The following SESTD1 variants were observed in gnomAD, a reference collection of about 807,000 sequenced individuals.
SESTD1 encodes the protein SEC14 domain and spectrin repeat-containing protein 1.
SESTD1 carries 43 observed loss-of-function variants against 101.7 expected under a neutral mutation model. The observed-to-expected ratio is 0.42, with a 90% CI of 0.33 to 0.55. The LOEUF (loss-of-function observed/expected upper bound fraction) is 0.55, where lower values mean the gene tolerates loss of function less well. SESTD1 is among the 20% of genes least tolerant of loss of function. SESTD1 has a pLI of 0.07. For missense variants in SESTD1, 647 were observed against 815.1 expected, an observed-to-expected ratio of 0.79 and a Z score of 2.51; for synonymous variants, 283 against 286.8, an observed-to-expected ratio of 0.99 and a Z score of 0.13.
intron 2 of SESTD1, among the ~76,000 whole-genome samples, chr2:179,185,388 T>C (rs1018186078): frequency 5.5e-5 from 8 of 146,200 alleles, no homozygotes; most frequent in African/African-American, 2.0e-4. Flanking sequence ...ATATTACATA[T>C]TGTATATATA....
chr2:179,111,192 A>G (rs572208626), intron 17 of SESTD1, among the ~76,000 whole-genome samples: 299 of 152,348 alleles, frequency 2.0e-3, no homozygotes, highest in Non-Finnish European at 3.4e-3. Flanking sequence ...GCAGATGTGT[A>G]ATACAACTTT....
At chr2:179,230,788 T>A (rs919735204) in intron 1 of SESTD1, among the ~76,000 whole-genome samples, 1 of 151,774 alleles carries the variant, frequency 6.6e-6, no homozygotes, top group East Asian at 1.9e-4. Context: ...CAAAAAAAAA[T>A]TTGCAGAAAC....
At chr2:179,133,381 T>C (rs1452667175) in intron 9 of SESTD1, among the ~76,000 whole-genome samples, 2 of 152,160 alleles carry the variant, frequency 1.3e-5, no homozygotes, top group African/African-American at 2.4e-5. Context: ...AGTAACGTAG[T>C]TGACATTCCA....
intron 12 of SESTD1, among the ~76,000 whole-genome samples, chr2:179,122,256 A>G (rs2044769263): frequency 6.6e-6 from 1 of 151,282 alleles, no homozygotes; most frequent in South Asian, 2.1e-4. Flanking sequence ...ATAGAAAACA[A>G]TTTTCTGTTT....
chr2:179,150,956 T>C (rs987311528), intron 6 of SESTD1, among the ~76,000 whole-genome samples: 1 of 152,260 alleles, frequency 6.6e-6, no homozygotes, highest in African/African-American at 2.4e-5. Context: ...CTGTTCTAAA[T>C]GCTTTATATG....
rs1335441676 is a variant in SESTD1 at position 179,212,808 on chromosome 2, A to C, written c.-25-20942T>G. On this transcript the variant is annotated intron_variant, in intron 1 of 17. Transcript: ENST00000428443. ...GCTTCCGGAGGAAGGATCAGGCAGCAATATTTGCTGTTCTGCAGCCTCCGC... is the reference window on the plus strand; with the variant it reads ...GCTTCCGGAGGAAGGATCAGGCAGCCATATTTGCTGTTCTGCAGCCTCCGC... Among the ~76,000 whole-genome samples, 2 of 135,074 alleles carry C rather than the reference A, an allele frequency of 1.5e-5. 1 individual carries two copies. The highest frequency in any genetic ancestry group is 3.2e-5 in the Non-Finnish European group (2 of 62,758). 88.6% of individuals were successfully genotyped at this position (135,074 alleles called of 152,430 possible). A position where few individuals can be genotyped will look rare whatever the true frequency, so the allele number is the denominator to read the frequency against.
At chr2:179,228,385 T>C (rs1052209996) in intron 1 of SESTD1, among the ~76,000 whole-genome samples, 4 of 152,204 alleles carry the variant, frequency 2.6e-5, no homozygotes, top group East Asian at 1.9e-4. Context: ...ATGTGTGTAA[T>C]GGAAGGTTAA....
At chr2:179,145,946 A>C (rs1322117591) in intron 8 of SESTD1, among the ~76,000 whole-genome samples, 1 of 152,102 alleles carries the variant, frequency 6.6e-6, no homozygotes, top group Non-Finnish European at 1.5e-5. Context: ...TAATAAATTA[A>C]ATCCAAATTA....
chr2:179,156,496 G>A (rs1342562098), intron 5 of SESTD1, among the ~76,000 whole-genome samples: 1 of 151,930 alleles, frequency 6.6e-6, no homozygotes, highest in Admixed American at 6.6e-5. Context: ...GCCAACATCT[G>A]TTTTTTGATT....
intron 1 of SESTD1, among the ~76,000 whole-genome samples, chr2:179,230,582 C>T (rs925260082): frequency 1.3e-5 from 2 of 151,398 alleles, no homozygotes; most frequent in Admixed American, 6.6e-5. Flanking sequence ...TAGAGTAAAA[C>T]CTTAATAAAA....
At chr2:179,115,337 G>A (rs963098271) in intron 15 of SESTD1, 81 bp from the exon 16 acceptor site, 18 of 1,116,294 alleles carry the variant, frequency 1.6e-5, no homozygotes, top group Middle Eastern at 2.0e-4. Flanking sequence ...GAAGATTGTC[G>A]TTACAGTTAA....
At chr2:179,236,461 C>T (rs2047067795) in intron 1 of SESTD1, among the ~76,000 whole-genome samples, 1 of 151,808 alleles carries the variant, frequency 6.6e-6, no homozygotes, top group Non-Finnish European at 1.5e-5. Context: ...CGTGCCACTG[C>T]ACTCTAACCC....
In SESTD1 at chr2:179,120,857, G is replaced by A. The variant is rs2044733813; in HGVS notation, c.1442+913C>T. Among the ~76,000 whole-genome samples the A allele has an allele frequency of 2.0e-5, 3 of 152,264 alleles. No individual in the cohort carries two copies. The South Asian group carries it at 6.2e-4, about 32-fold the overall frequency. ...TAAAAGACAAAGAGTTGAAGAGGAAGACGTACCCATATGTGTGATTATTAT... is the reference window on the plus strand; with the variant it reads ...TAAAAGACAAAGAGTTGAAGAGGAAAACGTACCCATATGTGTGATTATTAT... On this transcript the variant is annotated intron_variant, in intron 13 of 17. Coordinates refer to ENST00000428443, the MANE Select transcript of SESTD1 (RefSeq NM_178123.5).
At chr2:179,216,792 C>A (rs1451076426) in intron 1 of SESTD1, among the ~76,000 whole-genome samples, 1 of 134,208 alleles carries the variant, frequency 7.5e-6, no homozygotes, top group East Asian at 2.0e-4. Context: ...GACATACAGA[C>A]CAGTGGAACA....
chr2:179,177,105 T>A (rs2046024540), intron 3 of SESTD1, among the ~76,000 whole-genome samples: 1 of 152,228 alleles, frequency 6.6e-6, no homozygotes, highest in African/African-American at 2.4e-5. Context: ...AACCCACTTA[T>A]GCTCTCACTT....
chr2:179,239,312 A>T (rs1006277689), intron 1 of SESTD1, among the ~76,000 whole-genome samples: 2 of 152,180 alleles, frequency 1.3e-5, no homozygotes, highest in African/African-American at 4.8e-5. Flanking sequence ...TTACTGCCAC[A>T]AAATGTTTTC....
At chr2:179,140,092 TATTA>T (rs146924074) in intron 9 of SESTD1, among the ~76,000 whole-genome samples, 3 of 152,268 alleles carry the variant, frequency 2.0e-5, no homozygotes, top group African/African-American at 7.2e-5. Context: ...AACTCGATAG[TATTA>T]ATTATTCCTT....
At chr2:179,123,853 G>C in intron 11 of SESTD1, 24 bp from the exon 12 acceptor site, 1 of 1,527,604 alleles carries the variant, frequency 6.5e-7, no homozygotes, top group South Asian at 1.1e-5. Context: ...ACACCAAAGA[G>C]ATAACCCTGA....
intron 1 of SESTD1, among the ~76,000 whole-genome samples, chr2:179,263,667 CAAG>C (rs1189639145): frequency 6.6e-6 from 1 of 152,136 alleles, no homozygotes; most frequent in Non-Finnish European, 1.5e-5. Flanking sequence ...GTCAAAGCAC[CAAG>C]AAAACCACGG....
Sources: allele counts gnomAD v4.1 joint callset (sites outside exome capture counted in the v4.1 genomes callset), GRCh38; gene constraint gnomAD v4.1.1; transcripts MANE v1.5; gene names NCBI Gene and HGNC (gene_info 2026-07-23, HGNC 2026-07-21).